MCUB: variants seen among roughly 807,000 people sequenced by gnomAD.
MCUB encodes the protein mitochondrial calcium uniporter dominant negative subunit beta.
A neutral mutation model predicts 41.4 loss-of-function variants in MCUB; 46 were observed. The observed-to-expected ratio is 1.11, with a 90% CI of 0.88 to 1.42. The LOEUF (loss-of-function observed/expected upper bound fraction) is 1.42. Among genes scored for constraint, MCUB ranks in the 40% most tolerant of loss-of-function variants. The probability of loss-of-function intolerance (pLI) is 0.00; values close to 1 mark genes in which losing one functional copy is unlikely to be tolerated. For missense variants in MCUB, 403 were observed against 404.9 expected (o/e 1.00, Z 0.04); for synonymous variants, 148 against 148.2 (o/e 1.00, Z 0.01).
intron 1 of MCUB, among the ~76,000 whole-genome samples, chr4:109,650,437 G>T (rs1018398219): frequency 6.6e-6 from 1 of 152,050 alleles, no homozygotes; most frequent in Admixed American, 6.5e-5. Flanking sequence ...TTTGTATATG[G>T]TAATTTTGGT....
intron 6 of MCUB, 127 bp from the exon 7 acceptor site, chr4:109,685,124 T>A: frequency 1.7e-6 from 1 of 589,986 alleles, no homozygotes; most frequent in Non-Finnish European, 3.0e-6. Flanking sequence ...CTCATGGCCA[T>A]TGCAAATATT....
intron 1 of MCUB, among the ~76,000 whole-genome samples, chr4:109,595,888 C>T (rs1431338046): frequency 4.6e-5 from 7 of 150,836 alleles, no homozygotes; most frequent in East Asian, 2.0e-4. Flanking sequence ...CTTGGGGAGA[C>T]GAGTTCTAGT....
intron 1 of MCUB, among the ~76,000 whole-genome samples, chr4:109,639,886 A>C (rs1728676092): frequency 6.6e-6 from 1 of 152,154 alleles, no homozygotes; most frequent in Non-Finnish European, 1.5e-5. Context: ...CAGCCCCAAC[A>C]CAGCGTTATT....
chr4:109,626,554 T>C (rs1728363412), intron 1 of MCUB, among the ~76,000 whole-genome samples: 1 of 152,112 alleles, frequency 6.6e-6, no homozygotes, highest in African/African-American at 2.4e-5. Flanking sequence ...GGCTCATGCC[T>C]GTAATCCTAG....
chr4:109,583,658 C>T (rs1158496683), intron 1 of MCUB, among the ~76,000 whole-genome samples: 2 of 152,128 alleles, frequency 1.3e-5, no homozygotes, highest in Non-Finnish European at 2.9e-5. Flanking sequence ...AAAGGGAATG[C>T]TTCCAATTTT....
intron 1 of MCUB, among the ~76,000 whole-genome samples, chr4:109,561,319 G>C (rs938441759): frequency 6.6e-6 from 1 of 152,206 alleles, no homozygotes; most frequent in Non-Finnish European, 1.5e-5. Flanking sequence ...AAGCCAAAAA[G>C]TAAGCAGTGT....
chr4:109,665,405 T>C (rs1048994406), intron 4 of MCUB, among the ~76,000 whole-genome samples: 3 of 152,172 alleles, frequency 2.0e-5, no homozygotes, highest in African/African-American at 7.2e-5. Context: ...ATTGGTTTCC[T>C]TATAGTTGTT....
intron 1 of MCUB, among the ~76,000 whole-genome samples, chr4:109,583,971 G>A (rs919735280): frequency 3.3e-5 from 5 of 152,144 alleles, no homozygotes; most frequent in African/African-American, 1.2e-4. Flanking sequence ...CATAAAATGA[G>A]TTAGGAAGGA....
chr4:109,599,793 C>T (rs921049276), intron 1 of MCUB, among the ~76,000 whole-genome samples: 2 of 152,084 alleles, frequency 1.3e-5, no homozygotes, highest in Non-Finnish European at 2.9e-5. Context: ...CTCAGCCTCC[C>T]AAGTAGCTGG....
At chr4:109,646,217 C>A (rs1728832546) in intron 1 of MCUB, among the ~76,000 whole-genome samples, 2 of 152,142 alleles carry the variant, frequency 1.3e-5, no homozygotes, top group Non-Finnish European at 2.9e-5. Context: ...ACTTGACTAA[C>A]ATCTACCCTT....
At position 109,582,683 on chromosome 4, in the gene MCUB, A is replaced by G. The variant is rs192329463; in HGVS notation, c.99+22247A>G. 4.6e-5 allele frequency among the ~76,000 whole-genome samples: 7 copies of G among 152,096 alleles called. No homozygotes were observed. The East Asian group carries it at 1.4e-3, about 29-fold the overall frequency. The stretch of plus-strand genomic sequence containing the variant: ...AATCGTATTGCATAGGTTTTCTTCT[A>G]GGGTTTTTATGGTTTTAGGTCTAAC... On this transcript the variant is annotated intron_variant, in intron 1 of 7. Transcript: ENST00000394650.
At chr4:109,605,856 G>A (rs1257304458) in intron 1 of MCUB, among the ~76,000 whole-genome samples, 1 of 152,080 alleles carries the variant, frequency 6.6e-6, no homozygotes, top group African/African-American at 2.4e-5. Context: ...TTTTGGGGGG[G>A]TTCCATTAGC....
At chr4:109,578,200 C>T (rs1727077700) in intron 1 of MCUB, among the ~76,000 whole-genome samples, 1 of 152,210 alleles carries the variant, frequency 6.6e-6, no homozygotes, top group East Asian at 1.9e-4. Flanking sequence ...ACAAAAAATC[C>T]AGTATCTTAA....
intron 3 of MCUB, among the ~76,000 whole-genome samples, chr4:109,660,765 G>A (rs977440885): frequency 1.3e-4 from 20 of 151,408 alleles, no homozygotes; most frequent in Admixed American, 7.2e-4. Context: ...GCAGTGAGCC[G>A]AGATCACGCC....
At chr4:109,677,261 G>A (rs1312354067) in intron 4 of MCUB, among the ~76,000 whole-genome samples, 6 of 152,160 alleles carry the variant, frequency 3.9e-5, no homozygotes, top group Admixed American at 3.9e-4. Flanking sequence ...TCCAGCCATT[G>A]TATTTTGGAA....
chr4:109,665,780 G>T (rs1471456016), intron 4 of MCUB, among the ~76,000 whole-genome samples: 2 of 152,120 alleles, frequency 1.3e-5, no homozygotes, highest in Non-Finnish European at 2.9e-5. Flanking sequence ...TGATTGTATA[G>T]CCTTTTCAGA....
chr4:109,625,212 A>G (rs1728336484), intron 1 of MCUB, among the ~76,000 whole-genome samples: 1 of 152,172 alleles, frequency 6.6e-6, no homozygotes, highest in African/African-American at 2.4e-5. Flanking sequence ...TGCCTGCTAA[A>G]CCATTAACAA....
At chr4:109,562,420 C>T (rs140543405) in intron 1 of MCUB, among the ~76,000 whole-genome samples, 2 of 152,288 alleles carry the variant, frequency 1.3e-5, no homozygotes, top group East Asian at 3.9e-4. Flanking sequence ...TTACATTTTA[C>T]CATGAGTAAA....
intron 1 of MCUB, among the ~76,000 whole-genome samples, chr4:109,619,206 G>A (rs1728200652): frequency 6.6e-6 from 1 of 152,020 alleles, no homozygotes; most frequent in African/African-American, 2.4e-5. Context: ...CTCCCGAGTG[G>A]CTGGGATTAT....
Sources: allele counts gnomAD v4.1 joint callset (sites outside exome capture counted in the v4.1 genomes callset), GRCh38; gene constraint gnomAD v4.1.1; transcripts MANE v1.5; gene names NCBI Gene and HGNC (gene_info 2026-07-23, HGNC 2026-07-21).